The following PPFIA4 variants were observed in gnomAD, a reference collection of about 807,000 sequenced individuals.
PPFIA4 encodes the protein liprin-alpha-4.
A neutral mutation model predicts 145.7 loss-of-function variants in PPFIA4; 98 were observed. The observed-to-expected ratio is 0.67, with a 90% CI of 0.57 to 0.80. PPFIA4 has a LOEUF of 0.80. Among genes scored for constraint, PPFIA4 ranks in the 30% least tolerant of loss-of-function variants. PPFIA4 has a pLI of 0.00. For missense variants in PPFIA4, 1,457 were observed against 1,632.7 expected, an observed-to-expected ratio of 0.89 and a Z score of 1.85; for synonymous variants, 628 against 649.6, an observed-to-expected ratio of 0.97 and a Z score of 0.51.
chr1:203,030,498 G>A (rs1390648676), intron 1 of PPFIA4, among the ~76,000 whole-genome samples: 1 of 152,236 alleles, frequency 6.6e-6, no homozygotes, highest in African/African-American at 2.4e-5. Flanking sequence ...AGATGGTGCA[G>A]TGCATCCCTG....
intron 1 of PPFIA4, among the ~76,000 whole-genome samples, chr1:203,030,362 G>A (rs1268258033): frequency 1.3e-5 from 2 of 152,198 alleles, no homozygotes; most frequent in African/African-American, 4.8e-5. Context: ...GCTGCTGGGA[G>A]TGGAGGCCTG....
At chr1:203,074,453 T>C (rs928592612) in intron 28 of PPFIA4, among the ~76,000 whole-genome samples, 2 of 151,916 alleles carry the variant, frequency 1.3e-5, no homozygotes, top group African/African-American at 4.8e-5. Flanking sequence ...ACTGAAACAT[T>C]ATGTGGTGCA....
At chr1:203,046,029 C>T in intron 8 of PPFIA4, 42 bp downstream of exon 8, 1 of 1,610,662 alleles carries the variant, frequency 6.2e-7, no homozygotes, top group South Asian at 1.1e-5. Context: ...TTGTACTTAG[C>T]CCTGGAGGTG....
chr1:203,047,501 G>A (rs188978222), intron 9 of PPFIA4, among the ~76,000 whole-genome samples: 2 of 152,284 alleles, frequency 1.3e-5, no homozygotes, highest in East Asian at 3.9e-4. Context: ...AGGAGTTTAA[G>A]GAAGGATTTC....
chr1:203,065,035 T>A (rs559663076), intron 25 of PPFIA4, among the ~76,000 whole-genome samples: 1 of 152,236 alleles, frequency 6.6e-6, no homozygotes, highest in Non-Finnish European at 1.5e-5. Flanking sequence ...TCTGTGGATG[T>A]CCTGTGGTCT....
chr1:203,035,545 C>T, intron 1 of PPFIA4: 1 of 456,856 alleles, frequency 2.2e-6, no homozygotes, highest in South Asian at 1.5e-5. Flanking sequence ...GAGCCCTCTT[C>T]CTCTGTTTCA....
At chr1:203,054,100 A>G (rs1660743149) in intron 15 of PPFIA4, 139 bp downstream of exon 15, 1 of 973,906 alleles carries the variant, frequency 1.0e-6, no homozygotes, top group African/African-American at 1.7e-5. Flanking sequence ...TCTGTGGGTC[A>G]TCAGGCCCGC....
At position 203,044,719 on chromosome 1, in the gene PPFIA4, A is replaced by G; in HGVS notation, c.600A>G (p.Ala200=). Reference sequence around the variant, plus strand: ...AGGTGTCTGCCCTGCAGCAGGGGGCAGGGGTGCGGGATGGAGCGGCAGAAG... The same window carrying G: ...AGGTGTCTGCCCTGCAGCAGGGGGCGGGGGTGCGGGATGGAGCGGCAGAAG... ...HQQVSALQQG[A]GVRDGAAEEE... Residue 200 remains alanine (A), a synonymous_variant, in exon 6 of 30, where the codon GCA becomes GCG. Transcript: ENST00000295706. 1 of 1,561,174 alleles carries G rather than the reference A, an allele frequency of 6.4e-7. No individual in the cohort carries two copies. Among genetic ancestry groups the G allele is most frequent in the Non-Finnish European group, 8.7e-7 (1 of 1,152,808 alleles).
chr1:203,032,248 ACCTCTTCAC>A (rs1351285072), intron 1 of PPFIA4, among the ~76,000 whole-genome samples: 1 of 152,050 alleles, frequency 6.6e-6, no homozygotes, highest in Non-Finnish European at 1.5e-5. Context: ...AGTTTGTCAC[ACCTCTTCAC>A]CCTCCTTTTG....
At chr1:203,067,887 G>C in intron 26 of PPFIA4, 95 bp downstream of exon 26, 3 of 1,049,234 alleles carry the variant, frequency 2.9e-6, no homozygotes, top group Admixed American at 1.8e-5. Flanking sequence ...GTGTCTCAGG[G>C]AATCTTCCAG....
chr1:203,055,539 G>A lies in PPFIA4; in HGVS notation c.1937G>A (p.Arg646His), dbSNP rs773215858. Residue 646 changes from arginine to histidine, a missense_variant, in exon 16 of 30, where the codon CGT (arginine) becomes CAT (histidine). Around this residue, in one of 3 missense-constraint regions of PPFIA4, gnomAD observed 848 missense variants for 1,046.7 expected, o/e 0.81. Coordinates refer to ENST00000295706, the MANE Select transcript of PPFIA4 (RefSeq NM_001304331.2). The surrounding 1 kb of genome is among the most constrained non-coding windows in gnomAD (Gnocchi z 4.8). ...EALNLKQLRK[R>H]GSIPTSLTAL... is the part of the protein sequence containing the mutation. Reference sequence around the variant, plus strand: ...CTAAACCTGAAGCAGCTGCGCAAGCGTGGTTCCATCCCCACCTCTCTGACG... The same window carrying A: ...CTAAACCTGAAGCAGCTGCGCAAGCATGGTTCCATCCCCACCTCTCTGACG... The A allele has an allele frequency of 1.5e-5, 25 of 1,613,902 alleles. No homozygotes were observed. The Admixed American group carries it at 1.7e-4, about 11-fold the overall frequency.
chr1:203,046,021 G>T lies in PPFIA4; in HGVS notation c.1005+34G>T, dbSNP rs375638882. On this transcript the variant is annotated intron_variant, in intron 8 of 29. Transcript: ENST00000295706. ...TCAGGGTGGGGTGGGGATGGGCATT[G>T]TACTTAGCCCTGGAGGTGTCCTCGT... The T allele has an allele frequency of 2.1e-4, 343 of 1,611,608 alleles. 2 individuals carry two copies. The South Asian group carries it at 3.6e-3, about 17-fold the overall frequency.
In PPFIA4 at chr1:203,060,174, G is replaced by A. The variant is rs1049373927; in HGVS notation, c.2584-43G>A. ...TGCTGTTGCCAAACTCTTGGTGGTA[G>A]GGCCCAGGCCTTGAATTACCTCCCT... is the stretch of plus-strand genomic sequence containing the variant. On this transcript the variant is annotated intron_variant, in intron 21 of 29. Coordinates refer to ENST00000295706, the MANE Select transcript of PPFIA4 (RefSeq NM_001304331.2). The surrounding 1 kb of genome is among the most constrained non-coding windows in gnomAD (Gnocchi z 4.8). 1 of 1,596,392 alleles carries A rather than the reference G, an allele frequency of 6.3e-7. No individual in the cohort carries two copies. Among genetic ancestry groups the A allele is most frequent in the Admixed American group, 1.7e-5 (1 of 58,480 alleles).
At position 203,061,146 on chromosome 1, in the gene PPFIA4, G is replaced by T. The variant is rs1661329510; in HGVS notation, c.2847+114G>T. 3 of 999,092 alleles carry T rather than the reference G, an allele frequency of 3.0e-6. No individual in the cohort carries two copies. The Admixed American group carries it at 5.4e-5, about 18-fold the overall frequency. The allele number at this position is 999,092 out of a possible 1,614,324, so 61.9% of individuals were successfully genotyped here. ...GTGGGCTGCCATCGATCTCACGTGA[G>T]GTTGGTATCCCTGAGGTGTGATCTG... On this transcript the variant is annotated intron_variant, in intron 23 of 29. Coordinates refer to ENST00000295706, the MANE Select transcript of PPFIA4 (RefSeq NM_001304331.2).
rs1662459038 is a variant in PPFIA4 at position 203,075,469 on chromosome 1, G to A, written c.3394-108G>A. The A allele has an allele frequency of 1.1e-6, 1 of 902,284 alleles. No individual in the cohort carries two copies. Among genetic ancestry groups the A allele is most frequent in the Admixed American group, 4.2e-5 (1 of 23,938 alleles). The allele number at this position is 902,284 out of a possible 1,614,324, so 55.9% of individuals were successfully genotyped here. A position where few individuals can be genotyped will look rare whatever the true frequency, so the allele number is the denominator to read the frequency against. On this transcript the variant is annotated intron_variant, in intron 28 of 29. Coordinates refer to ENST00000295706, the MANE Select transcript of PPFIA4 (RefSeq NM_001304331.2). This position sits in a 1 kb window ranked among gnomAD's most constrained non-coding sequence, Gnocchi z 4.1. ...GACCTCGCTCCCTCTTTCCAAAGGG[G>A]TGGGAGTGGTGCCCCTTGAACCAGC...
Position 203,059,271 on chromosome 1 carries a change from A to G in PPFIA4, c.2501A>G (p.Lys834Arg). The G allele has an allele frequency of 6.6e-7, 1 of 1,511,358 alleles. No individual in the cohort carries two copies. Among genetic ancestry groups the G allele is most frequent in the Non-Finnish European group, 9.0e-7 (1 of 1,107,350 alleles). The allele number at this position is 1,511,358 out of a possible 1,614,324, so 93.6% of individuals were successfully genotyped here. ...QAEKDRRLKK[K>R]HQLLEDARRK... The stretch of plus-strand genomic sequence containing the variant: ...GAGAAGGACCGGCGGCTAAAGAAGA[A>G]GTAAGAGCCACAGGCCAGGGTCTGC... Residue 834 changes from lysine to arginine, a missense_variant and splice_region_variant, in exon 20 of 30, where the codon AAA becomes AGA. By Grantham distance (26) the Lys-to-Arg change is conservative. Coordinates refer to ENST00000295706, the MANE Select transcript of PPFIA4 (RefSeq NM_001304331.2).
Position 203,068,181 on chromosome 1 carries a change from C to T in PPFIA4, c.3149-272C>T, listed in dbSNP as rs1167950203. Reference sequence around the variant, plus strand: ...TCCAGCTTGGGTCAGGGGGATGACCCGTGCAAGGGTTCTGGGGAGAAAGCT... The same window carrying T: ...TCCAGCTTGGGTCAGGGGGATGACCTGTGCAAGGGTTCTGGGGAGAAAGCT... On this transcript the variant is annotated intron_variant, in intron 26 of 29. Coordinates refer to ENST00000295706, the MANE Select transcript of PPFIA4 (RefSeq NM_001304331.2). This position sits in a 1 kb window ranked among gnomAD's most constrained non-coding sequence, Gnocchi z 4.7. 6.6e-6 allele frequency among the ~76,000 whole-genome samples: 1 copy of T among 152,120 alleles called. No individual in the cohort carries two copies. The highest frequency in any genetic ancestry group is 1.5e-5 in the Non-Finnish European group (1 of 68,014).
intron 24 of PPFIA4, 26 bp downstream of exon 24, chr1:203,061,704 C>T: frequency 1.9e-6 from 3 of 1,556,844 alleles, no homozygotes; most frequent in Non-Finnish European, 2.6e-6. Context: ...CTGTCTAGAA[C>T]CAGCTCCCAA....
chr1:203,069,093 A>G (rs1289782122), intron 27 of PPFIA4, among the ~76,000 whole-genome samples: 1 of 152,148 alleles, frequency 6.6e-6, no homozygotes, highest in Non-Finnish European at 1.5e-5. Context: ...AAAAAGCTAA[A>G]TATACCAAAT....
Sources: gnomAD v4.1 joint callset for allele counts (sites outside exome capture counted in the v4.1 genomes callset) on GRCh38, gnomAD v4.1.1 for gene constraint, gnomAD v4.1.1 regional missense constraint, Gnocchi (gnomAD v3.1) non-coding constraint, MANE v1.5 for transcripts, NCBI Gene and HGNC (gene_info 2026-07-23, HGNC 2026-07-21) for gene names.